Variants in GSTCD observed in about 807,000 individuals in gnomAD.
The protein encoded by GSTCD is glutathione S-transferase C-terminal domain containing.
A neutral mutation model predicts 68.3 loss-of-function variants in GSTCD; 44 were observed. The observed-to-expected ratio is 0.64, with a 90% CI of 0.51 to 0.83. The LOEUF (loss-of-function observed/expected upper bound fraction) is 0.83, where lower values mean the gene tolerates loss of function less well. Ranked by LOEUF, GSTCD falls within the 40% of genes least tolerant of loss-of-function variation. GSTCD has a pLI of 0.00. For missense variants in GSTCD, 739 were observed against 735.9 expected (o/e 1.00, Z -0.05); for synonymous variants, 273 against 255.2 (o/e 1.07, Z -0.67).
At chr4:105,777,326 A>G in intron 5 of GSTCD, among the ~76,000 whole-genome samples, 1 of 152,186 alleles carries the variant, frequency 6.6e-6, no homozygotes, top group East Asian at 1.9e-4. Context: ...TTCTGATATT[A>G]ATTTTCTTAC....
At chr4:105,762,369 T>G (rs768586735) in intron 5 of GSTCD, among the ~76,000 whole-genome samples, 1 of 152,208 alleles carries the variant, frequency 6.6e-6, no homozygotes, top group Non-Finnish European at 1.5e-5. Context: ...TATAGTTTAT[T>G]TGGAGTCAGT....
At chr4:105,777,687 A>G (rs1735122786) in intron 5 of GSTCD, among the ~76,000 whole-genome samples, 1 of 152,142 alleles carries the variant, frequency 6.6e-6, no homozygotes. Flanking sequence ...TTGCCTACCT[A>G]GGCAAGTTAC....
intron 5 of GSTCD, among the ~76,000 whole-genome samples, chr4:105,779,013 T>C (rs1735177829): frequency 6.6e-6 from 1 of 152,182 alleles, no homozygotes; most frequent in South Asian, 2.1e-4. Flanking sequence ...TAACAAAAAA[T>C]AGGATATTTT....
chr4:105,784,958 C>T (rs1460854693), intron 5 of GSTCD, among the ~76,000 whole-genome samples: 1 of 152,084 alleles, frequency 6.6e-6, no homozygotes, highest in Non-Finnish European at 1.5e-5. Flanking sequence ...CTGAAAGTAG[C>T]CTTTATTCCA....
intron 5 of GSTCD, among the ~76,000 whole-genome samples, chr4:105,796,874 T>C (rs539601142): frequency 1.2e-3 from 178 of 152,304 alleles, no homozygotes; most frequent in African/African-American, 3.9e-3. Context: ...TTGGGAGCTA[T>C]ATTTATATGA....
chr4:105,731,085 T>A (rs1398025857), intron 5 of GSTCD, among the ~76,000 whole-genome samples: 2 of 152,226 alleles, frequency 1.3e-5, no homozygotes, highest in African/African-American at 2.4e-5. Context: ...GTTCCATTGG[T>A]CTATATCTCT....
chr4:105,775,378 G>C (rs1735014859), intron 5 of GSTCD, among the ~76,000 whole-genome samples: 1 of 152,172 alleles, frequency 6.6e-6, no homozygotes, highest in African/African-American at 2.4e-5. Context: ...TTTCCATCCA[G>C]TTTTGTTCCC....
In GSTCD at chr4:105,816,833, C is replaced by A. The variant is rs191497880; in HGVS notation, c.1241-6121C>A. The stretch of plus-strand genomic sequence containing the variant: ...TTTAGAGTCCCAGCTTCACCACTTA[C>A]CAGTTGCATGTCTTTGAACAAGTGC... On this transcript the variant is annotated intron_variant, in intron 5 of 11. Coordinates refer to ENST00000515279, the MANE Select transcript of GSTCD (RefSeq NM_001370181.1). Among the ~76,000 whole-genome samples, 118 of 152,100 alleles carry A rather than the reference C, an allele frequency of 7.8e-4. 2 individuals carry two copies. The highest frequency in any genetic ancestry group is 2.3e-3 in the African/African-American group (96 of 41,556).
In GSTCD at chr4:105,718,122, A is replaced by T. The variant is rs767428393; in HGVS notation, c.426+83A>T. The T allele has an allele frequency of 6.4e-6, 7 of 1,087,472 alleles. No individual in the cohort carries two copies. The African/African-American group carries it at 9.6e-5, about 15-fold the overall frequency. The allele number at this position is 1,087,472 out of a possible 1,614,324, so 67.4% of individuals were successfully genotyped here. On this transcript the variant is annotated intron_variant, in intron 2 of 11. Coordinates refer to ENST00000515279, the MANE Select transcript of GSTCD (RefSeq NM_001370181.1). ...TGACCATTTAATATTTTAACTTCCT[A>T]TTAGGAATAAAAGTTTATTTATTTT...
In GSTCD at chr4:105,752,910, G is replaced by A. The variant is rs187496366; in HGVS notation, c.1240+23411G>A. 3.4e-3 allele frequency among the ~76,000 whole-genome samples: 511 copies of A among 152,088 alleles called. 3 individuals are homozygous for A. The highest frequency in any genetic ancestry group is 0.01 in the African/African-American group (434 of 41,510). On this transcript the variant is annotated intron_variant, in intron 5 of 11. Transcript: ENST00000515279. ...TACCAGCCAAGGGTTCAATTCTCTC[G>A]TCAATTAGTATTGAAATGTAGTTGT...
chr4:105,782,844 T>C (rs994536013), intron 5 of GSTCD, among the ~76,000 whole-genome samples: 7 of 152,334 alleles, frequency 4.6e-5, no homozygotes, highest in African/African-American at 1.2e-4. Flanking sequence ...TCTTAATTCA[T>C]ATGTAGATAG....
At chr4:105,826,882 C>T (rs1053761780) in intron 8 of GSTCD, among the ~76,000 whole-genome samples, 3 of 152,102 alleles carry the variant, frequency 2.0e-5, no homozygotes, top group Non-Finnish European at 4.4e-5. Context: ...TTAACTAATT[C>T]AGACCTTTTA....
At chr4:105,781,418 T>G (rs1735268471) in intron 5 of GSTCD, among the ~76,000 whole-genome samples, 1 of 151,856 alleles carries the variant, frequency 6.6e-6, no homozygotes, top group African/African-American at 2.4e-5. Context: ...CAGCTTTTTT[T>G]TTTTTTTTAA....
chr4:105,766,903 T>TTTTTTTTTTTTTTTTTTTTTTTTTTTC (rs1734635900), intron 5 of GSTCD, among the ~76,000 whole-genome samples: 1 of 146,238 alleles, frequency 6.8e-6, no homozygotes. Context: ...TTTTTTTTTT[T>TTTTTTTTTTTTTTTTTTTTTTTTTTTC]TTTTTTTTTA....
At chr4:105,827,647 C>CA (rs1167831876) in intron 8 of GSTCD, among the ~76,000 whole-genome samples, 1 of 151,718 alleles carries the variant, frequency 6.6e-6, no homozygotes, top group Non-Finnish European at 1.5e-5. Context: ...AGTATACACA[C>CA]AAAAAAATTT....
chr4:105,749,676 G>A (rs532928536), intron 5 of GSTCD, among the ~76,000 whole-genome samples: 5 of 150,424 alleles, frequency 3.3e-5, no homozygotes, highest in African/African-American at 1.2e-4. Context: ...AATAGATCAT[G>A]GAATTAAATA....
chr4:105,757,950 A>C (rs1411291137), intron 5 of GSTCD, among the ~76,000 whole-genome samples: 1 of 152,206 alleles, frequency 6.6e-6, no homozygotes, highest in African/African-American at 2.4e-5. Flanking sequence ...CTAGGCCTTT[A>C]GACATGTTCC....
chr4:105,779,217 T>C (rs1258846589), intron 5 of GSTCD, among the ~76,000 whole-genome samples: 2 of 152,172 alleles, frequency 1.3e-5, no homozygotes, highest in African/African-American at 2.4e-5. Flanking sequence ...CCTCAGTCTT[T>C]CTTTGTCTTT....
intron 11 of GSTCD, 109 bp downstream of exon 11, chr4:105,842,243 A>G: frequency 1.3e-6 from 1 of 755,250 alleles, no homozygotes; most frequent in Non-Finnish European, 2.3e-6. Context: ...TCTATTTTTC[A>G]ATGAGAAACT....
Sources: allele counts gnomAD v4.1 joint callset (sites outside exome capture counted in the v4.1 genomes callset), GRCh38; gene constraint gnomAD v4.1.1; transcripts MANE v1.5; gene names NCBI Gene and HGNC (gene_info 2026-07-23, HGNC 2026-07-21).